The following PRKCA variants were observed in gnomAD, a reference collection of about 807,000 sequenced individuals.
PRKCA encodes protein kinase C alpha type.
In PRKCA, 27 loss-of-function variants were observed where a neutral mutation model predicts 87.0. That is an observed-to-expected ratio of 0.31 (90% confidence interval 0.23 to 0.43). The LOEUF is 0.43. Among genes scored for constraint, PRKCA ranks in the 20% least tolerant of loss-of-function variants. The pLI is 1.00. For synonymous variants in PRKCA, 329 were observed against 311.1 expected, an observed-to-expected ratio of 1.06 and a Z score of -0.61; for missense variants, 518 against 852.3, an observed-to-expected ratio of 0.61 and a Z score of 4.88.
At chr17:66,526,304 T>C (rs1471763916) in intron 3 of PRKCA, among the ~76,000 whole-genome samples, 2 of 152,236 alleles carry the variant, frequency 1.3e-5, no homozygotes, top group African/African-American at 2.4e-5. Context: ...ATTAATTTGC[T>C]ATGGTCACCT....
intron 2 of PRKCA, among the ~76,000 whole-genome samples, chr17:66,346,006 C>T (rs537239565): frequency 5.9e-5 from 9 of 152,100 alleles, no homozygotes; most frequent in African/African-American, 2.2e-4. Flanking sequence ...GCTGATATTT[C>T]TAGCATCATC....
At chr17:66,657,833 T>C (rs537730602) in intron 5 of PRKCA, among the ~76,000 whole-genome samples, 1 of 152,116 alleles carries the variant, frequency 6.6e-6, no homozygotes, top group East Asian at 1.9e-4. Context: ...TTCTGGCTTC[T>C]GAAGGATGCT....
chr17:66,306,278 A>T, intron 2 of PRKCA, 151 bp downstream of exon 2: 2 of 714,266 alleles, frequency 2.8e-6, no homozygotes, highest in East Asian at 2.8e-5. Context: ...GGCCTTAAAA[A>T]ATAATTGGGG....
At chr17:66,671,454 A>G (rs143071376) in intron 5 of PRKCA, among the ~76,000 whole-genome samples, 1 of 152,204 alleles carries the variant, frequency 6.6e-6, no homozygotes, top group Non-Finnish European at 1.5e-5. Context: ...GATACCAAGT[A>G]GGGTTATTGC....
At chr17:66,454,304 A>G (rs1378884374) in intron 2 of PRKCA, among the ~76,000 whole-genome samples, 1 of 152,206 alleles carries the variant, frequency 6.6e-6, no homozygotes, top group Non-Finnish European at 1.5e-5. Flanking sequence ...CTAATGCCTC[A>G]GTTGCAGACA....
chr17:66,786,064 G>A lies in PRKCA; in HGVS notation c.1606-803G>A, dbSNP rs1039549446. 4.4e-4 allele frequency among the ~76,000 whole-genome samples: 67 copies of A among 152,218 alleles called. 1 individual carries two copies. The highest frequency in any genetic ancestry group is 5.9e-5 in the Non-Finnish European group (4 of 68,038). ...AGGATGGTCTCGATCACCTGCCCTT[G>A]TGATCCGCCCGCCTCGGCCTCCCAA... On this transcript the variant is annotated intron_variant, in intron 14 of 16. Coordinates refer to ENST00000413366, the MANE Select transcript of PRKCA (RefSeq NM_002737.3).
At chr17:66,497,965 C>T (rs1289473046) in intron 3 of PRKCA, among the ~76,000 whole-genome samples, 1 of 152,172 alleles carries the variant, frequency 6.6e-6, no homozygotes, top group Non-Finnish European at 1.5e-5. Flanking sequence ...CCCACATACA[C>T]ATACACACGG....
chr17:66,627,775 C>T (rs555099057), intron 3 of PRKCA, among the ~76,000 whole-genome samples: 121 of 152,274 alleles, frequency 7.9e-4, no homozygotes, highest in Non-Finnish European at 1.6e-4. Context: ...TACCAGCCAT[C>T]CTTAACTAAC....
chr17:66,554,639 T>C (rs1968441805), intron 3 of PRKCA: 1 of 675,200 alleles, frequency 1.5e-6, no homozygotes, highest in South Asian at 6.8e-5. Context: ...CACTAGCAAA[T>C]AAATTAAATC....
intron 13 of PRKCA, among the ~76,000 whole-genome samples, chr17:66,743,985 T>C (rs1256115400): frequency 1.3e-5 from 2 of 152,154 alleles, no homozygotes; most frequent in African/African-American, 2.4e-5. Flanking sequence ...AATATCCTCC[T>C]TGTAGAATTG....
intron 13 of PRKCA, among the ~76,000 whole-genome samples, chr17:66,751,797 G>A (rs1012744664): frequency 6.6e-6 from 1 of 152,088 alleles, no homozygotes; most frequent in Admixed American, 6.6e-5. Context: ...CATGGCTAGG[G>A]GGGGTCTCAG....
chr17:66,528,221 C>CAAA (rs60533049), intron 3 of PRKCA, among the ~76,000 whole-genome samples: 48 of 85,830 alleles, frequency 5.6e-4, no homozygotes, highest in Admixed American at 1.5e-3. Context: ...AACTCTGTCT[C>CAAA]AAAAAAAAAA....
chr17:66,575,848 G>T (rs964925891), intron 3 of PRKCA, among the ~76,000 whole-genome samples: 1 of 152,126 alleles, frequency 6.6e-6, no homozygotes, highest in Non-Finnish European at 1.5e-5. Context: ...CGGGCACGTG[G>T]CTCATGCCTG....
At chr17:66,466,870 C>CGA (rs1182587881) in intron 2 of PRKCA, among the ~76,000 whole-genome samples, 1 of 147,548 alleles carries the variant, frequency 6.8e-6, no homozygotes, top group Non-Finnish European at 1.5e-5. Context: ...CCTCTTCCTT[C>CGA]ATTTAAAAAA....
At chr17:66,476,527 G>A (rs995813779) in intron 2 of PRKCA, among the ~76,000 whole-genome samples, 11 of 152,164 alleles carry the variant, frequency 7.2e-5, no homozygotes, top group East Asian at 1.9e-4. Flanking sequence ...TGGGAGGGCC[G>A]GGGAAGAAGG....
At chr17:66,737,629 C>G (rs910093140) in intron 10 of PRKCA, among the ~76,000 whole-genome samples, 2 of 152,248 alleles carry the variant, frequency 1.3e-5, no homozygotes, top group African/African-American at 4.8e-5. Context: ...CCCGGAGCCT[C>G]TGGGTGTGTA....
intron 2 of PRKCA, among the ~76,000 whole-genome samples, chr17:66,419,300 G>C (rs763192706): frequency 1.3e-5 from 2 of 152,024 alleles, no homozygotes; most frequent in African/African-American, 2.4e-5. Flanking sequence ...GAATAAAAAG[G>C]CCTTTTCAAA....
intron 2 of PRKCA, among the ~76,000 whole-genome samples, chr17:66,360,242 A>G (rs1253934071): frequency 1.3e-5 from 2 of 152,118 alleles, no homozygotes; most frequent in East Asian, 3.9e-4. Context: ...TGGCTAAACC[A>G]TGGGACCCTT....
At chr17:66,789,044 C>T in intron 16 of PRKCA, 65 bp downstream of exon 16, 1 of 1,585,418 alleles carries the variant, frequency 6.3e-7, no homozygotes, top group Non-Finnish European at 8.6e-7. Context: ...GTATCCCACT[C>T]ACCTCTTTTC....
Sources: allele counts gnomAD v4.1 joint callset (sites outside exome capture counted in the v4.1 genomes callset), GRCh38; gene constraint gnomAD v4.1.1; transcripts MANE v1.5; gene names NCBI Gene and HGNC (gene_info 2026-07-23, HGNC 2026-07-21).